The following CMAS variants were observed in gnomAD, a reference collection of about 807,000 sequenced individuals.
The protein encoded by CMAS is N-acylneuraminate cytidylyltransferase.
A neutral mutation model predicts 53.4 loss-of-function variants in CMAS; 21 were observed. The ratio of observed to expected loss-of-function variants is 0.39; its 90% CI spans 0.28 to 0.57. CMAS has a LOEUF of 0.57. Ranked by LOEUF, CMAS falls within the 20% of genes least tolerant of loss-of-function variation. The pLI, the probability that CMAS is intolerant of heterozygous loss-of-function variation, is 0.56. For synonymous variants in CMAS, 189 were observed against 195.2 expected, an observed-to-expected ratio of 0.97 and a Z score of 0.27; for missense variants, 384 against 534.9, an observed-to-expected ratio of 0.72 and a Z score of 2.78.
Position 22,055,178 on chromosome 12 carries a change from T to C in CMAS, c.290T>C (p.Ile97Thr), listed in dbSNP as rs767530307. ...SVWVSTDHDE[I>T]ENVAKQFGAQ... is the part of the protein sequence containing the mutation. ...TGGGTTTCGACAGACCATGATGAAA[T>C]TGAGAATGTGGCCAAACAATTTGGT... The change falls in exon 2 of 8, where the codon ATT becomes ACT. Residue 97 changes from isoleucine to threonine, a missense_variant. Transcript: ENST00000229329. The C allele has an allele frequency of 6.2e-7, 1 of 1,613,594 alleles. No individual in the cohort carries two copies. The highest frequency in any genetic ancestry group is 8.5e-7 in the Non-Finnish European group (1 of 1,179,748).
chr12:22,054,221 C>G (rs74933623), intron 1 of CMAS, among the ~76,000 whole-genome samples: 2,989 of 152,192 alleles, frequency 0.02, 107 homozygotes, highest in African/African-American at 0.068. Flanking sequence ...GACTCCAGGC[C>G]TGACCAAACA....
chr12:22,055,216 CGAA>C lies in CMAS; in HGVS notation c.333_335del (p.Arg111del). The C allele has an allele frequency of 1.2e-6, 2 of 1,612,490 alleles. No individual in the cohort carries two copies. Among genetic ancestry groups the C allele is most frequent in the Non-Finnish European group, 8.5e-7 (1 of 1,178,756 alleles). On this transcript the variant is annotated inframe_deletion, in exon 2 of 8. Transcript: ENST00000229329. Reference sequence around the variant, plus strand: ...CAAACAATTTGGTGCACAAGTTCATCGAAGAAGTTCTGAAGTTTCAAAAGACAG... The same window carrying C: ...CAAACAATTTGGTGCACAAGTTCATCGAAGTTCTGAAGTTTCAAAAGACAG...
In CMAS at chr12:22,052,448, T is replaced by G. The variant is rs536910036; in HGVS notation, c.261-2701T>G. Reference sequence around the variant, plus strand: ...TTTTTTCTTGCTTTTTAAACATTACTTAAAGACCACTGAACCCTCTGGTAT... The same window carrying G: ...TTTTTTCTTGCTTTTTAAACATTACGTAAAGACCACTGAACCCTCTGGTAT... On this transcript the variant is annotated intron_variant, in intron 1 of 7. Coordinates refer to ENST00000229329, the MANE Select transcript of CMAS (RefSeq NM_018686.6). 1.6e-4 allele frequency among the ~76,000 whole-genome samples: 24 copies of G among 152,312 alleles called. No individual in the cohort carries two copies. In the South Asian group the frequency reaches 5.0e-3, roughly 32 times the overall value.
rs553270690 is a variant in CMAS, at chr12:22,047,787, G to A, written c.260+1224G>A. Among the ~76,000 whole-genome samples, 31 of 152,192 alleles carry A rather than the reference G, an allele frequency of 2.0e-4. No homozygotes were observed. In the South Asian group the frequency reaches 5.6e-3, roughly 28 times the overall value. On this transcript the variant is annotated intron_variant, in intron 1 of 7. Coordinates refer to ENST00000229329, the MANE Select transcript of CMAS (RefSeq NM_018686.6). ...GTCCAAGGGAATACCAAGATGATTG[G>A]GACACAGTTTTTGTCCTTGTGAAGC...
chr12:22,050,253 T>A (rs1171621578), intron 1 of CMAS, among the ~76,000 whole-genome samples: 1 of 152,246 alleles, frequency 6.6e-6, no homozygotes, highest in African/African-American at 2.4e-5. Context: ...TCACCATGTG[T>A]TAACTGTGCA....
chr12:22,050,010 A>G (rs922558856), intron 1 of CMAS, among the ~76,000 whole-genome samples: 2 of 152,188 alleles, frequency 1.3e-5, no homozygotes, highest in African/African-American at 4.8e-5. Flanking sequence ...TTTTGTGGCT[A>G]TGTGCTATTT....
Position 22,046,505 on chromosome 12 carries a change from G to A in CMAS, c.202G>A (p.Gly68Arg). ...IPLKNIKHLA[G>R]VPLIGWVLRA... is the part of the protein sequence containing the mutation. ...CCTGAAGAACATTAAGCACCTGGCG[G>A]GGGTCCCGCTCATTGGCTGGGTCCT... The change falls in exon 1 of 8, where the codon GGG becomes AGG. Residue 68 changes from glycine (G) to arginine (R), a missense_variant. Transcript: ENST00000229329. 1 of 1,606,562 alleles carries A rather than the reference G, an allele frequency of 6.2e-7. No homozygotes were observed. The highest frequency in any genetic ancestry group is 8.5e-7 in the Non-Finnish European group (1 of 1,177,212).
In CMAS at chr12:22,059,128, TTA is replaced by T. The variant is rs1216405572; in HGVS notation, c.693+448_693+449del. On this transcript the variant is annotated intron_variant, in intron 4 of 7. Coordinates refer to ENST00000229329, the MANE Select transcript of CMAS (RefSeq NM_018686.6). ...GGGTGTCAGGAAACCCGGAATCTTT[TTA>T]TATATATATATATATATATTTTTTT... 7.0e-3 allele frequency among the ~76,000 whole-genome samples: 960 copies of T among 136,928 alleles called. 15 individuals are homozygous for T. The highest frequency in any genetic ancestry group is 0.064 in the East Asian group (298 of 4,688). The allele number at this position is 136,928 out of a possible 152,430, so 89.8% of individuals were successfully genotyped here.
At chr12:22,064,890 T>A (rs1950335636) in intron 7 of CMAS, among the ~76,000 whole-genome samples, 1 of 152,228 alleles carries the variant, frequency 6.6e-6, no homozygotes, top group Non-Finnish European at 1.5e-5. Context: ...TTATGCTCCA[T>A]TCTTCTTCTC....
chr12:22,059,291 A>G (rs1950292475), intron 4 of CMAS, among the ~76,000 whole-genome samples: 1 of 151,902 alleles, frequency 6.6e-6, no homozygotes, highest in Non-Finnish European at 1.5e-5. Flanking sequence ...ACATGGTTGC[A>G]TCATATATTT....
intron 4 of CMAS, among the ~76,000 whole-genome samples, chr12:22,058,951 G>T (rs778242998): frequency 6.5e-4 from 98 of 151,882 alleles, no homozygotes; most frequent in Admixed American, 1.4e-3. Flanking sequence ...TCAAGTACTG[G>T]GTGTCTACAC....
At chr12:22,051,345 G>A (rs992828175) in intron 1 of CMAS, among the ~76,000 whole-genome samples, 5 of 152,182 alleles carry the variant, frequency 3.3e-5, no homozygotes, top group South Asian at 2.1e-4. Context: ...ACATACTTGG[G>A]AAAAGTAAAC....
At chr12:22,057,240 TACACACAC>T (rs71053372) in intron 3 of CMAS, among the ~76,000 whole-genome samples, 104 of 118,078 alleles carry the variant, frequency 8.8e-4, no homozygotes, top group Middle Eastern at 4.0e-3. Context: ...CACACACACA[TACACACAC>T]ACACACACAC....
At position 22,065,187 on chromosome 12, in the gene CMAS, G is replaced by C. The variant is rs1950338549; in HGVS notation, c.1181G>C (p.Cys394Ser). The change falls in exon 8 of 8, where the codon TGT becomes TCT. Residue 394 changes from cysteine to serine, a missense_variant. Physicochemically the swap from Cys to Ser is moderately radical, Grantham distance 112 (BLOSUM62 -1). Coordinates refer to ENST00000229329, the MANE Select transcript of CMAS (RefSeq NM_018686.6). ...CTAAGTGGCGCTCCTGCTGATGCCT[G>C]TTCTACTGCCCAGAAGGCTGTTGGA... is the stretch of plus-strand genomic sequence containing the variant. ...VGLSGAPADA[C>S]STAQKAVGYI... is the part of the protein sequence containing the mutation. The C allele has an allele frequency of 1.2e-6, 2 of 1,614,092 alleles. No individual in the cohort carries two copies. Among genetic ancestry groups the C allele is most frequent in the Admixed American group, 1.7e-5 (1 of 60,012 alleles).
intron 3 of CMAS, among the ~76,000 whole-genome samples, chr12:22,057,637 A>G (rs956981016): frequency 6.6e-6 from 1 of 152,106 alleles, no homozygotes; most frequent in Non-Finnish European, 1.5e-5. Flanking sequence ...TAATATAGGT[A>G]TTTTATGACA....
chr12:22,061,501 G>A, intron 6 of CMAS, 49 bp downstream of exon 6: 1 of 1,274,728 alleles, frequency 7.8e-7, no homozygotes, highest in Non-Finnish European at 1.1e-6. Flanking sequence ...TTGATTCAGG[G>A]TCAAAGAACA....
chr12:22,047,153 G>T (rs1291398658), intron 1 of CMAS, among the ~76,000 whole-genome samples: 1 of 152,096 alleles, frequency 6.6e-6, no homozygotes, highest in African/African-American at 2.4e-5. Flanking sequence ...TTATAAATAC[G>T]TGAGACTCAG....
intron 2 of CMAS, 47 bp downstream of exon 2, chr12:22,055,338 A>G (rs369206893): frequency 1.3e-6 from 2 of 1,500,822 alleles, no homozygotes; most frequent in Non-Finnish European, 9.1e-7. Flanking sequence ...GTACTTTTCT[A>G]CTTCCTTTAT....
chr12:22,062,619 T>C (rs1036042818), intron 7 of CMAS, among the ~76,000 whole-genome samples, 185 bp downstream of exon 7: 2 of 152,180 alleles, frequency 1.3e-5, no homozygotes, highest in African/African-American at 4.8e-5. Flanking sequence ...AGTTTGATAA[T>C]AGGTATCAAA....
Sources: allele counts gnomAD v4.1 joint callset (sites outside exome capture counted in the v4.1 genomes callset), GRCh38; gene constraint gnomAD v4.1.1; transcripts MANE v1.5; gene names NCBI Gene and HGNC (gene_info 2026-07-23, HGNC 2026-07-21).